Variants in NALCN observed in about 807,000 individuals in gnomAD.
NALCN encodes the protein sodium leak channel, non-selective, also known as sodium leak channel NALCN.
A neutral mutation model predicts 225.3 loss-of-function variants in NALCN; 111 were observed. That is an observed-to-expected ratio of 0.49 (90% CI 0.42 to 0.58). The LOEUF (loss-of-function observed/expected upper bound fraction) is 0.58. NALCN is among the 20% of genes least tolerant of loss of function. The pLI, the probability that NALCN is intolerant of heterozygous loss-of-function variation, is 0.00. For missense variants in NALCN, 1,378 were observed against 2,202.4 expected (o/e 0.63, Z 7.49); for synonymous variants, 764 against 769.0 (o/e 0.99, Z 0.11).
Position 101,292,439 on chromosome 13 carries a change from A to AT in NALCN, c.800-74dup. 1.4e-6 allele frequency: 2 copies of AT among 1,447,456 alleles called. No homozygotes were observed. The highest frequency in any genetic ancestry group is 1.9e-6 in the Non-Finnish European group (2 of 1,069,802). The allele number at this position is 1,447,456 out of a possible 1,614,324, so 89.7% of individuals were successfully genotyped here. On this transcript the variant is annotated intron_variant, in intron 7 of 43. Transcript: ENST00000251127. This position sits in a 1 kb window ranked among gnomAD's most constrained non-coding sequence, Gnocchi z 4.3. Reference sequence around the variant, plus strand: ...TAAGAAAGCATTTTCCAGAAAAACAATCAATATTTATCCATACTTATTTTC... The same window carrying AT: ...TAAGAAAGCATTTTCCAGAAAAACAATTCAATATTTATCCATACTTATTTTC...
chr13:101,328,227 A>G (rs892359231), intron 7 of NALCN, among the ~76,000 whole-genome samples: 17 of 152,224 alleles, frequency 1.1e-4, no homozygotes, highest in Non-Finnish European at 1.5e-4. Context: ...AGTTTCAAAC[A>G]TTTTATTCCC....
At position 101,397,087 on chromosome 13, in the gene NALCN, TATATATATATATATATATATATAC is replaced by T. The variant is rs1334140290; in HGVS notation, c.109-1746_109-1723del. On this transcript the variant is annotated intron_variant, in intron 2 of 43. Transcript: ENST00000251127. ...TGTATTATATATATATATATATATA[TATATATATATATATATATATATAC>T]ATACACATACATATATATAATGTGT... Among the ~76,000 whole-genome samples the T allele has an allele frequency of 3.1e-4, 19 of 60,966 alleles. 1 individual carries two copies. Among genetic ancestry groups the T allele is most frequent in the South Asian group, 1.2e-3 (2 of 1,738 alleles). The allele number at this position is 60,966 out of a possible 152,430, so 40.0% of individuals were successfully genotyped here. A position where few individuals can be genotyped will look rare whatever the true frequency, so the allele number is the denominator to read the frequency against.
intron 13 of NALCN, among the ~76,000 whole-genome samples, chr13:101,197,807 G>T (rs1340695494): frequency 6.6e-6 from 1 of 152,182 alleles, no homozygotes; most frequent in Non-Finnish European, 1.5e-5. Context: ...GTAGGCTCTG[G>T]AAGTGAACAA....
Position 101,065,236 on chromosome 13 carries a change from G to A in NALCN, c.4604+168C>T, listed in dbSNP as rs17620834. On this transcript the variant is annotated intron_variant, in intron 40 of 43. Coordinates refer to ENST00000251127, the MANE Select transcript of NALCN (RefSeq NM_052867.4). ...TACTTGGAAATGTTCACTGGAGGAC[G>A]GCAGGAAAGGGCACTTAGCGCCTGG... is the stretch of plus-strand genomic sequence containing the variant. Among the ~76,000 whole-genome samples the A allele has an allele frequency of 0.012, 1,833 of 152,282 alleles. 37 individuals carry two copies. The highest frequency in any genetic ancestry group is 0.088 in the East Asian group (453 of 5,168).
chr13:101,293,890 T>C (rs2043639200), intron 7 of NALCN, among the ~76,000 whole-genome samples: 1 of 152,228 alleles, frequency 6.6e-6, no homozygotes, highest in African/African-American at 2.4e-5. Context: ...AAATCATATT[T>C]TGTACATTGG....
At chr13:101,348,831 G>C (rs1313660547) in intron 6 of NALCN, among the ~76,000 whole-genome samples, 2 of 152,044 alleles carry the variant, frequency 1.3e-5, no homozygotes, top group African/African-American at 2.4e-5. Context: ...AATTGCCCTG[G>C]AACACATGTA....
chr13:101,111,060 C>T (rs923584518), intron 19 of NALCN, 65 bp downstream of exon 19: 34 of 1,505,078 alleles, frequency 2.3e-5, no homozygotes, highest in South Asian at 1.4e-4. Context: ...CTGTGTACAG[C>T]GACCATTTCC....
At chr13:101,243,491 G>A (rs150090464) in intron 11 of NALCN, among the ~76,000 whole-genome samples, 1,258 of 104,906 alleles carry the variant, frequency 0.012, 393 homozygotes, top group African/African-American at 0.04. Context: ...TTCATCCTCA[G>A]TTTCTGAGTC....
At chr13:101,188,542 AATACTATATGT>A (rs2039540567) in intron 14 of NALCN, among the ~76,000 whole-genome samples, 1 of 151,876 alleles carries the variant, frequency 6.6e-6, no homozygotes, top group Non-Finnish European at 1.5e-5. Flanking sequence ...TTAAGTTTAA[AATACTATATGT>A]ATACATATAT....
At chr13:101,238,926 T>C (rs185783680) in intron 11 of NALCN, among the ~76,000 whole-genome samples, 2 of 152,096 alleles carry the variant, frequency 1.3e-5, no homozygotes, top group East Asian at 3.9e-4. Flanking sequence ...ATAGTTAATT[T>C]AGATGTGAAG....
intron 15 of NALCN, among the ~76,000 whole-genome samples, chr13:101,157,579 T>A (rs1469202416): frequency 6.6e-6 from 1 of 152,200 alleles, no homozygotes; most frequent in Non-Finnish European, 1.5e-5. Context: ...TAAATGAGGA[T>A]AAAAGACTGG....
At chr13:101,084,258 C>G (rs2033818168) in intron 30 of NALCN, among the ~76,000 whole-genome samples, 1 of 152,068 alleles carries the variant, frequency 6.6e-6, no homozygotes, top group African/African-American at 2.4e-5. Flanking sequence ...TTGAGAGATA[C>G]AAAGTCATAG....
intron 34 of NALCN, 113 bp downstream of exon 34, chr13:101,081,414 T>G (rs1594163049): frequency 6.8e-7 from 1 of 1,479,604 alleles, no homozygotes; most frequent in East Asian, 2.3e-5. Context: ...GGGAGGTCCA[T>G]CTAACACCTC....
intron 13 of NALCN, among the ~76,000 whole-genome samples, chr13:101,201,717 T>C (rs1390705845): frequency 6.6e-6 from 1 of 152,142 alleles, no homozygotes; most frequent in Non-Finnish European, 1.5e-5. Context: ...TAAAAATATA[T>C]ACACTAAAAA....
chr13:101,120,065 G>GAATCACC (rs2139681504), intron 18 of NALCN, among the ~76,000 whole-genome samples: 1 of 152,300 alleles, frequency 6.6e-6, no homozygotes, highest in Non-Finnish European at 1.5e-5. Flanking sequence ...CTACCTGTGA[G>GAATCACC]TTACATACCT....
intron 28 of NALCN, among the ~76,000 whole-genome samples, chr13:101,094,389 G>A (rs1162491675): frequency 6.6e-6 from 1 of 152,168 alleles, no homozygotes; most frequent in African/African-American, 2.4e-5. Flanking sequence ...CTATAGTGAA[G>A]GAAATGAAAT....
intron 6 of NALCN, among the ~76,000 whole-genome samples, chr13:101,354,962 G>T (rs1054864364): frequency 6.6e-6 from 1 of 152,184 alleles, no homozygotes; most frequent in Non-Finnish European, 1.5e-5. Flanking sequence ...CACAGGGGCA[G>T]AACCCTCATG....
intron 6 of NALCN, among the ~76,000 whole-genome samples, chr13:101,363,085 G>A (rs1365013390): frequency 6.6e-6 from 1 of 151,996 alleles, no homozygotes; most frequent in Non-Finnish European, 1.5e-5. Flanking sequence ...GAAAGAAATT[G>A]AAGTGGACAC....
At chr13:101,249,199 G>A (rs2041989642) in intron 11 of NALCN, among the ~76,000 whole-genome samples, 2 of 152,184 alleles carry the variant, frequency 1.3e-5, no homozygotes, top group African/African-American at 4.8e-5. Flanking sequence ...CTGTGGAAAT[G>A]TGAGACATTA....
Sources: allele counts gnomAD v4.1 joint callset (sites outside exome capture counted in the v4.1 genomes callset), GRCh38; gene constraint gnomAD v4.1.1; non-coding constraint Gnocchi (gnomAD v3.1); transcripts MANE v1.5; gene names NCBI Gene and HGNC (gene_info 2026-07-23, HGNC 2026-07-21).